ADORA2B: variants seen among roughly 807,000 people sequenced by gnomAD.
ADORA2B encodes adenosine A2b receptor.
ADORA2B carries 18 observed loss-of-function variants against 20.8 expected under a neutral mutation model. The observed-to-expected ratio is 0.87, with a 90% CI of 0.60 to 1.29. The LOEUF is 1.29. Among genes scored for constraint, ADORA2B ranks in the 50% most tolerant of loss-of-function variants. The pLI is 0.00. For synonymous variants in ADORA2B, 179 were observed against 178.3 expected, an observed-to-expected ratio of 1.00 and a Z score of -0.03; for missense variants, 441 against 422.7, an observed-to-expected ratio of 1.04 and a Z score of -0.38.
At chr17:15,930,150 G>T in the ADORA2B span, among the ~76,000 whole-genome samples, 7 of 152,282 alleles carry the variant, frequency 4.6e-5, no homozygotes, top group African/African-American at 1.7e-4. Flanking sequence ...GAAGAATCGG[G>T]GCTGTGGTGA....
the ADORA2B span, among the ~76,000 whole-genome samples, chr17:15,871,387 C>T: frequency 6.6e-6 from 1 of 152,238 alleles, no homozygotes; most frequent in South Asian, 2.1e-4. Flanking sequence ...AATACAAAGC[C>T]CAGATGCTAT....
chr17:15,952,652 C>G (rs1969920246), intron 1 of ADORA2B, among the ~76,000 whole-genome samples: 1 of 152,204 alleles, frequency 6.6e-6, no homozygotes, highest in Non-Finnish European at 1.5e-5. Context: ...ACAAAGAAGA[C>G]TCCAGCTAAC....
At chr17:15,885,163 A>G in the ADORA2B span, among the ~76,000 whole-genome samples, 1 of 152,096 alleles carries the variant, frequency 6.6e-6, no homozygotes, top group Admixed American at 6.5e-5. Context: ...GCATTTCTCT[A>G]ATAAGTGATG....
chr17:15,926,341 G>T, the ADORA2B span, among the ~76,000 whole-genome samples: 1 of 151,906 alleles, frequency 6.6e-6, no homozygotes, highest in Non-Finnish European at 1.5e-5. Context: ...ATAAGCACTA[G>T]GAAGACAAGC....
the ADORA2B span, among the ~76,000 whole-genome samples, chr17:15,908,261 T>C: frequency 2.6e-5 from 4 of 152,168 alleles, no homozygotes; most frequent in Non-Finnish European, 5.9e-5. Context: ...GTTTTCTTTT[T>C]AAAACTTTTT....
chr17:15,882,668 C>T, the ADORA2B span, among the ~76,000 whole-genome samples: 3 of 151,572 alleles, frequency 2.0e-5, no homozygotes, highest in Non-Finnish European at 4.4e-5. Context: ...CAAAACTGCC[C>T]ATTTACACTT....
chr17:15,899,470 C>T, the ADORA2B span, among the ~76,000 whole-genome samples: 4 of 152,100 alleles, frequency 2.6e-5, no homozygotes, highest in African/African-American at 7.2e-5. Context: ...CTTGAGATTC[C>T]GGGAGTACAT....
the ADORA2B span, among the ~76,000 whole-genome samples, chr17:15,899,063 C>T: frequency 9.2e-5 from 14 of 152,046 alleles, no homozygotes; most frequent in African/African-American, 3.4e-4. Context: ...AACTGTGTCT[C>T]TACTAAAAAT....
the ADORA2B span, among the ~76,000 whole-genome samples, chr17:15,866,634 T>C: frequency 7.9e-5 from 12 of 152,064 alleles, no homozygotes; most frequent in Admixed American, 2.6e-4. Context: ...CAAATACATA[T>C]ATGGCAAATA....
At chr17:15,905,458 G>GCAACCTC in the ADORA2B span, among the ~76,000 whole-genome samples, 1 of 152,100 alleles carries the variant, frequency 6.6e-6, no homozygotes. Flanking sequence ...CTGACTCACT[G>GCAACCTC]CAACCTCCAC....
At chr17:15,966,204 C>T (rs983447952) in intron 1 of ADORA2B, among the ~76,000 whole-genome samples, 2 of 152,216 alleles carry the variant, frequency 1.3e-5, no homozygotes, top group Admixed American at 1.3e-4. Flanking sequence ...ATCCCTAAAA[C>T]AAACAGGAAA....
chr17:15,866,650 T>C, the ADORA2B span, among the ~76,000 whole-genome samples: 1 of 148,980 alleles, frequency 6.7e-6, no homozygotes, highest in Admixed American at 6.6e-5. Context: ...AAATACCTTC[T>C]TCCAGTGTGC....
At chr17:15,907,693 A>T in the ADORA2B span, among the ~76,000 whole-genome samples, 1 of 152,064 alleles carries the variant, frequency 6.6e-6, no homozygotes, top group Non-Finnish European at 1.5e-5. Flanking sequence ...AACACATTAA[A>T]TGGTAACACT....
At chr17:15,905,635 C>T in the ADORA2B span, among the ~76,000 whole-genome samples, 4 of 151,942 alleles carry the variant, frequency 2.6e-5, no homozygotes, top group Non-Finnish European at 5.9e-5. Flanking sequence ...CCACCTCAGC[C>T]TCCTAAATGA....
chr17:15,934,547 G>C, the ADORA2B span, among the ~76,000 whole-genome samples: 1 of 151,906 alleles, frequency 6.6e-6, no homozygotes, highest in African/African-American at 2.4e-5. Flanking sequence ...TATCCTTTTT[G>C]TTCCTCTATT....
chr17:15,887,775 G>A, the ADORA2B span, among the ~76,000 whole-genome samples: 8 of 123,350 alleles, frequency 6.5e-5, 1 homozygote, highest in East Asian at 1.1e-3. Context: ...GTGAAACCAC[G>A]TCTCTACTAA....
chr17:15,904,985 C>T, the ADORA2B span, among the ~76,000 whole-genome samples: 12 of 152,208 alleles, frequency 7.9e-5, no homozygotes, highest in African/African-American at 2.6e-4. Flanking sequence ...ATCTAGTCTT[C>T]TTTGTTCTTT....
the ADORA2B span, among the ~76,000 whole-genome samples, chr17:15,871,972 G>A: frequency 3.9e-5 from 6 of 152,198 alleles, no homozygotes; most frequent in African/African-American, 1.4e-4. Context: ...GACACAGGCT[G>A]CAGTATGAAT....
At chr17:15,969,902 C>T (rs980078656) in intron 1 of ADORA2B, among the ~76,000 whole-genome samples, 3 of 152,212 alleles carry the variant, frequency 2.0e-5, no homozygotes, top group Non-Finnish European at 4.4e-5. Flanking sequence ...TGCCTATGAA[C>T]TGGCCCCTGC....
Sources: gnomAD v4.1 joint callset for allele counts (sites outside exome capture counted in the v4.1 genomes callset) on GRCh38, gnomAD v4.1.1 for gene constraint, MANE v1.5 for transcripts, NCBI Gene and HGNC (gene_info 2026-07-23, HGNC 2026-07-21) for gene names.